Variants in KPNA3 observed in about 807,000 individuals in gnomAD.
KPNA3 encodes karyopherin subunit alpha 3.
KPNA3 carries 13 observed loss-of-function variants against 73.8 expected under a neutral mutation model. The observed-to-expected ratio is 0.18, with a 90% CI of 0.11 to 0.28. KPNA3 has a LOEUF of 0.28. Among genes scored for constraint, KPNA3 ranks in the 10% least tolerant of loss-of-function variants. The pLI, the probability that KPNA3 is intolerant of heterozygous loss-of-function variation, is 1.00. For missense variants in KPNA3, 360 were observed against 618.1 expected (o/e 0.58, Z 4.43); for synonymous variants, 186 against 206.9 (o/e 0.90, Z 0.87).
At chr13:49,740,228 C>G (rs2137562838) in intron 2 of KPNA3, among the ~76,000 whole-genome samples, 1 of 149,088 alleles carries the variant, frequency 6.7e-6, no homozygotes, top group South Asian at 2.1e-4. Flanking sequence ...ACTTGGGTGA[C>G]AGAATGAGAC....
chr13:49,733,757 G>A (rs987062116), intron 2 of KPNA3, among the ~76,000 whole-genome samples: 2 of 152,228 alleles, frequency 1.3e-5, no homozygotes, highest in African/African-American at 4.8e-5. Flanking sequence ...ATCAGGGACA[G>A]GTTCTCTTTT....
chr13:49,771,090 C>T (rs376295285), intron 1 of KPNA3, among the ~76,000 whole-genome samples: 178 of 99,462 alleles, frequency 1.8e-3, no homozygotes, highest in African/African-American at 6.8e-3. Flanking sequence ...CAATTCCATA[C>T]AAATTTCAGA....
At chr13:49,735,540 C>T (rs1359376784) in intron 2 of KPNA3, among the ~76,000 whole-genome samples, 1 of 152,112 alleles carries the variant, frequency 6.6e-6, no homozygotes, top group African/African-American at 2.4e-5. Context: ...CAGTTGATAC[C>T]TAGAGATTTT....
At chr13:49,737,981 C>A (rs1954539925) in intron 2 of KPNA3, among the ~76,000 whole-genome samples, 1 of 152,126 alleles carries the variant, frequency 6.6e-6, no homozygotes. Flanking sequence ...CCAAATATAG[C>A]TCTTTGTCTC....
At chr13:49,750,418 C>T (rs746249785) in intron 1 of KPNA3, among the ~76,000 whole-genome samples, 2 of 151,444 alleles carry the variant, frequency 1.3e-5, no homozygotes, top group African/African-American at 2.4e-5. Flanking sequence ...TTTCGGAGGT[C>T]GAGGCGGGAG....
intron 2 of KPNA3, among the ~76,000 whole-genome samples, chr13:49,738,265 ATATAC>A (rs1954542657): frequency 6.6e-6 from 1 of 152,182 alleles, no homozygotes; most frequent in Non-Finnish European, 1.5e-5. Context: ...TACTATGGCT[ATATAC>A]TATAAGCTTT....
chr13:49,791,994 C>T (rs1594468912), intron 1 of KPNA3, among the ~76,000 whole-genome samples: 1 of 152,332 alleles, frequency 6.6e-6, no homozygotes, highest in African/African-American at 2.4e-5. Context: ...GCCGAGGCTC[C>T]ATGTGAGCCG....
Position 49,725,508 on chromosome 13 carries a change from A to C in KPNA3, c.384-7T>G, listed in dbSNP as rs1594437547. 2 of 1,569,676 alleles carry C rather than the reference A, an allele frequency of 1.3e-6. No individual in the cohort carries two copies. The highest frequency in any genetic ancestry group is 1.7e-6 in the Non-Finnish European group (2 of 1,146,070). On this transcript the variant is annotated splice_polypyrimidine_tract_variant and splice_region_variant and intron_variant, in intron 6 of 16. Transcript: ENST00000261667. ...TTCAAACTGTAATGAAGGACTGTAA[A>C]AAAACAATAACACATCTTTTTAGAC...
rs927150806 is a variant in KPNA3 at position 49,718,751 on chromosome 13, C to T, written c.771+1024G>A. Among the ~76,000 whole-genome samples, 5 of 152,224 alleles carry T rather than the reference C, an allele frequency of 3.3e-5. No individual in the cohort carries two copies. In the Middle Eastern group the frequency reaches 0.014, roughly 414 times the overall value. On this transcript the variant is annotated intron_variant, in intron 10 of 16. Coordinates refer to ENST00000261667, the MANE Select transcript of KPNA3 (RefSeq NM_002267.4). ...ATGACATTTTAGGCTGTGTCAAACA[C>T]GAAGTGACTTTAGCTACCTTTAAAA...
chr13:49,746,438 A>G (rs1954618113), intron 2 of KPNA3, among the ~76,000 whole-genome samples: 1 of 152,190 alleles, frequency 6.6e-6, no homozygotes, highest in Non-Finnish European at 1.5e-5. Context: ...AGATCACACC[A>G]CTTCACTCCA....
At chr13:49,768,241 T>A (rs1416465076) in intron 1 of KPNA3, among the ~76,000 whole-genome samples, 1 of 142,082 alleles carries the variant, frequency 7.0e-6, no homozygotes, top group African/African-American at 2.7e-5. Context: ...ATCGCGCCAC[T>A]GCACTCCAGC....
chr13:49,729,498 T>C (rs963991126), intron 6 of KPNA3, among the ~76,000 whole-genome samples: 2 of 151,966 alleles, frequency 1.3e-5, no homozygotes, highest in African/African-American at 4.8e-5. Flanking sequence ...CAAATGGACA[T>C]TTATGGCCGA....
In KPNA3 at chr13:49,706,784, T is replaced by G. The variant is rs555332064; in HGVS notation, c.1033-412A>C. The stretch of plus-strand genomic sequence containing the variant: ...TTTTTTTTGAGACGGAGTCTTGCTC[T>G]GTCGCCCAGGTTGGAGTGCAGTGGC... On this transcript the variant is annotated intron_variant, in intron 12 of 16. Coordinates refer to ENST00000261667, the MANE Select transcript of KPNA3 (RefSeq NM_002267.4). 5.3e-5 allele frequency among the ~76,000 whole-genome samples: 8 copies of G among 152,116 alleles called. No individual in the cohort carries two copies. In the East Asian group the frequency reaches 1.4e-3, roughly 26 times the overall value.
At chr13:49,767,744 T>C (rs1954820711) in intron 1 of KPNA3, among the ~76,000 whole-genome samples, 1 of 152,116 alleles carries the variant, frequency 6.6e-6, no homozygotes, top group Admixed American at 6.5e-5. Flanking sequence ...AGTCCCCACT[T>C]AGGAAACGAG....
rs573654453 is a variant in KPNA3, at chr13:49,768,542, G to T, written c.70-21549C>A. On this transcript the variant is annotated intron_variant, in intron 1 of 16. Transcript: ENST00000261667. The stretch of plus-strand genomic sequence containing the variant: ...TTTGTTTTTTATTTCTCTTCCTGCC[G>T]GCCTGTCTTCATTTGGGTTAATCAA... Among the ~76,000 whole-genome samples the T allele has an allele frequency of 3.0e-3, 426 of 142,772 alleles. 4 individuals carry two copies. The highest frequency in any genetic ancestry group is 7.7e-3 in the Middle Eastern group (2 of 260). The allele number at this position is 142,772 out of a possible 152,430, so 93.7% of individuals were successfully genotyped here.
intron 1 of KPNA3, among the ~76,000 whole-genome samples, chr13:49,779,550 C>G (rs192892179): frequency 3.9e-4 from 59 of 152,284 alleles, no homozygotes; most frequent in Non-Finnish European, 3.8e-4. Flanking sequence ...TCTATCTAGG[C>G]TCAGTCGTTT....
intron 15 of KPNA3, among the ~76,000 whole-genome samples, chr13:49,704,560 T>C (rs761981747): frequency 1.6e-4 from 25 of 151,774 alleles, no homozygotes; most frequent in Non-Finnish European, 2.9e-4. Context: ...AATAAATAAA[T>C]AAACAATAGA....
intron 6 of KPNA3, among the ~76,000 whole-genome samples, chr13:49,730,517 CTCAAAAAAAAAA>C (rs1260930933): frequency 5.5e-5 from 1 of 18,166 alleles, no homozygotes; most frequent in African/African-American, 1.6e-4. Context: ...GAGACTCTGT[CTCAAAAAAAAAA>C]AAAAAAAAAA....
intron 1 of KPNA3, among the ~76,000 whole-genome samples, chr13:49,752,795 G>A (rs1365437866): frequency 3.9e-5 from 6 of 151,900 alleles, no homozygotes; most frequent in Non-Finnish European, 7.4e-5. Context: ...TTGGGAGGCC[G>A]AGGCGGGCGG....
Sources: gnomAD v4.1 joint callset for allele counts (sites outside exome capture counted in the v4.1 genomes callset) on GRCh38, gnomAD v4.1.1 for gene constraint, MANE v1.5 for transcripts, NCBI Gene and HGNC (gene_info 2026-07-23, HGNC 2026-07-21) for gene names.